Variants in BABAM2 observed in about 807,000 individuals in gnomAD.
BABAM2 encodes the protein BRISC and BRCA1-A complex member 2.
Under a neutral mutation model 54.7 loss-of-function variants are expected in BABAM2, and 31 were observed. The ratio of observed to expected loss-of-function variants is 0.57; its 90% CI spans 0.43 to 0.77. BABAM2 has a LOEUF of 0.77. Ranked by LOEUF, BABAM2 falls within the 30% of genes least tolerant of loss-of-function variation. The probability of loss-of-function intolerance (pLI) is 0.00; values close to 1 mark genes in which losing one functional copy is unlikely to be tolerated. For synonymous variants in BABAM2, 167 were observed against 162.9 expected, an observed-to-expected ratio of 1.03 and a Z score of -0.19; for missense variants, 364 against 455.8, an observed-to-expected ratio of 0.80 and a Z score of 1.83.
chr2:27,988,137 C>T, intron 4 of BABAM2, 50 bp downstream of exon 4: 1 of 1,560,688 alleles, frequency 6.4e-7, no homozygotes, highest in Non-Finnish European at 8.8e-7. Flanking sequence ...GAAAGGAAAA[C>T]AAAATTGGCT....
chr2:28,161,068 A>G (rs530706353), intron 7 of BABAM2, among the ~76,000 whole-genome samples: 63 of 152,334 alleles, frequency 4.1e-4, no homozygotes, highest in Middle Eastern at 3.4e-3. Flanking sequence ...CCAGCTTTCC[A>G]ACAGATTCCC....
At position 28,321,573 on chromosome 2, in the gene BABAM2, G is replaced by A. The variant is rs76344533; in HGVS notation, c.1089-16877G>A. ...TAGCCAAACCTCTTGTTCATACTGC[G>A]CAGGTTTTAGGAAAACAACAGCCTT... On this transcript the variant is annotated intron_variant, in intron 11 of 11. Coordinates refer to ENST00000379624, the MANE Select transcript of BABAM2 (RefSeq NM_199191.3). 1.8e-3 allele frequency among the ~76,000 whole-genome samples: 267 copies of A among 152,206 alleles called. 11 individuals are homozygous for A. Among genetic ancestry groups the A allele is most frequent in the Admixed American group, 0.014 (220 of 15,286 alleles).
chr2:28,263,131 C>CAAAAAAAA (rs539550619), intron 10 of BABAM2, among the ~76,000 whole-genome samples: 1 of 97,814 alleles, frequency 1.0e-5, no homozygotes. Context: ...GACACTGTCT[C>CAAAAAAAA]AAAAAAAAAA....
chr2:27,922,637 A>G (rs1667417289), intron 2 of BABAM2, among the ~76,000 whole-genome samples: 1 of 152,144 alleles, frequency 6.6e-6, no homozygotes. Context: ...AATTGGTAAA[A>G]GATATATTTT....
chr2:28,035,538 A>G (rs777700559), intron 5 of BABAM2, among the ~76,000 whole-genome samples: 30 of 152,176 alleles, frequency 2.0e-4, no homozygotes, highest in Non-Finnish European at 1.2e-4. Context: ...TGTGGCGGTC[A>G]GATATGCTAC....
At chr2:28,035,557 C>T (rs905750931) in intron 5 of BABAM2, among the ~76,000 whole-genome samples, 2 of 152,046 alleles carry the variant, frequency 1.3e-5, no homozygotes, top group African/African-American at 4.8e-5. Flanking sequence ...ACAGTATACT[C>T]CAAGGAATTG....
chr2:28,102,089 T>A (rs1480968273), intron 6 of BABAM2, among the ~76,000 whole-genome samples: 8 of 152,226 alleles, frequency 5.3e-5, no homozygotes, highest in Non-Finnish European at 1.5e-5. Context: ...TTATTCGTCA[T>A]CCCCTGCTGA....
rs187457327 is a variant in BABAM2 at position 28,121,013 on chromosome 2, C to T, written c.571-8258C>T. The stretch of plus-strand genomic sequence containing the variant: ...GGGAGAATATTTTTACTCCCATTTC[C>T]GTTTGGAGGAACCAAATCAGAAGTA... On this transcript the variant is annotated intron_variant, in intron 6 of 11. Coordinates refer to ENST00000379624, the MANE Select transcript of BABAM2 (RefSeq NM_199191.3). Among the ~76,000 whole-genome samples, 899 of 152,252 alleles carry T rather than the reference C, an allele frequency of 5.9e-3. 7 individuals are homozygous for T. The highest frequency in any genetic ancestry group is 0.014 in the Middle Eastern group (4 of 294).
chr2:28,000,473 A>C (rs973183636), intron 4 of BABAM2, among the ~76,000 whole-genome samples: 1 of 152,130 alleles, frequency 6.6e-6, no homozygotes, highest in African/African-American at 2.4e-5. Flanking sequence ...ATAGCCACAT[A>C]CTATTGATAT....
chr2:28,166,765 C>G (rs570283237), intron 7 of BABAM2, among the ~76,000 whole-genome samples: 1 of 152,276 alleles, frequency 6.6e-6, no homozygotes, highest in East Asian at 1.9e-4. Context: ...TTGTTGCCAG[C>G]CCTAGGGTGC....
chr2:28,033,740 A>G (rs576881160), intron 5 of BABAM2, among the ~76,000 whole-genome samples: 1 of 151,852 alleles, frequency 6.6e-6, no homozygotes, highest in African/African-American at 2.4e-5. Context: ...TTTTATTTTG[A>G]TTTGTTTTGA....
At chr2:28,153,607 C>A (rs1351364854) in intron 7 of BABAM2, among the ~76,000 whole-genome samples, 25 of 152,184 alleles carry the variant, frequency 1.6e-4, no homozygotes, top group Admixed American at 1.6e-3. Flanking sequence ...TATTAGCAGG[C>A]TTCCTGGAAC....
At chr2:28,022,214 G>A (rs989270071) in intron 4 of BABAM2, among the ~76,000 whole-genome samples, 2 of 151,646 alleles carry the variant, frequency 1.3e-5, no homozygotes, top group East Asian at 3.9e-4. Flanking sequence ...GCCTAGACAG[G>A]GGAGCCAAAG....
chr2:28,257,868 G>C (rs1245266950), intron 10 of BABAM2, among the ~76,000 whole-genome samples: 3 of 151,884 alleles, frequency 2.0e-5, no homozygotes, highest in Admixed American at 6.6e-5. Flanking sequence ...CTGGGTTACA[G>C]AGTAAAAAGA....
At chr2:27,901,350 C>T (rs1168685508) in intron 2 of BABAM2, among the ~76,000 whole-genome samples, 1 of 152,172 alleles carries the variant, frequency 6.6e-6, no homozygotes, top group African/African-American at 2.4e-5. Context: ...AGAGAGGGCT[C>T]ACTGCAACCT....
intron 7 of BABAM2, among the ~76,000 whole-genome samples, chr2:28,143,827 A>G (rs929534915): frequency 3.9e-5 from 6 of 152,128 alleles, no homozygotes; most frequent in Non-Finnish European, 7.4e-5. Context: ...TGTTGCCCCC[A>G]TTTTATGGTG....
At chr2:28,326,279 G>T (rs1690446970) in intron 11 of BABAM2, among the ~76,000 whole-genome samples, 1 of 152,186 alleles carries the variant, frequency 6.6e-6, no homozygotes, top group South Asian at 2.1e-4. Flanking sequence ...TGAGCTCCCT[G>T]CACCCCACCC....
chr2:27,995,480 A>G lies in BABAM2; in HGVS notation c.300+7393A>G, dbSNP rs1465948142. Among the ~76,000 whole-genome samples, 1 of 152,056 alleles carries G rather than the reference A, an allele frequency of 6.6e-6. No individual in the cohort carries two copies. Among genetic ancestry groups the G allele is most frequent in the African/African-American group, 2.4e-5 (1 of 41,402 alleles). Reference sequence around the variant, plus strand: ...GGGTAAAGCAGAATGGCTTTGGGAGATGAGAGGCAATAAATGAATGAATAG... The same window carrying G: ...GGGTAAAGCAGAATGGCTTTGGGAGGTGAGAGGCAATAAATGAATGAATAG... On this transcript the variant is annotated intron_variant, in intron 4 of 11. Transcript: ENST00000379624. This position sits in a 1 kb window ranked among gnomAD's most constrained non-coding sequence, Gnocchi z 4.1.
At chr2:28,102,501 C>G (rs1020004067) in intron 6 of BABAM2, among the ~76,000 whole-genome samples, 5 of 152,192 alleles carry the variant, frequency 3.3e-5, no homozygotes, top group Non-Finnish European at 1.5e-5. Flanking sequence ...AAGGGCTAAG[C>G]TACAACTTGG....
Sources: allele counts gnomAD v4.1 joint callset (sites outside exome capture counted in the v4.1 genomes callset), GRCh38; gene constraint gnomAD v4.1.1; non-coding constraint Gnocchi (gnomAD v3.1); transcripts MANE v1.5; gene names NCBI Gene and HGNC (gene_info 2026-07-23, HGNC 2026-07-21).